Variants in IMMP2L observed in about 807,000 individuals in gnomAD.
IMMP2L encodes the protein inner mitochondrial membrane peptidase subunit 2, also known as mitochondrial inner membrane protease subunit 2.
IMMP2L carries 18 observed loss-of-function variants against 19.3 expected under a neutral mutation model. The ratio of observed to expected loss-of-function variants is 0.93; its 90% CI spans 0.64 to 1.38. The LOEUF is 1.38. Among genes scored for constraint, IMMP2L ranks in the 40% most tolerant of loss-of-function variants. The probability of loss-of-function intolerance (pLI) is 0.00; values close to 1 mark genes in which losing one functional copy is unlikely to be tolerated. For synonymous variants in IMMP2L, 76 were observed against 73.0 expected (o/e 1.04, Z -0.21); for missense variants, 233 against 218.2 (o/e 1.07, Z -0.43).
At chr7:111,171,751 T>C (rs980778792) in intron 3 of IMMP2L, among the ~76,000 whole-genome samples, 2 of 151,578 alleles carry the variant, frequency 1.3e-5, no homozygotes, top group African/African-American at 2.4e-5. Flanking sequence ...ATGTGAAGAA[T>C]GTTTCTTTTA....
rs145572903 is a variant in IMMP2L at position 111,348,792 on chromosome 7, C to T, written c.239+138446G>A. On this transcript the variant is annotated intron_variant, in intron 3 of 5. Coordinates refer to ENST00000405709, the MANE Select transcript of IMMP2L (RefSeq NM_032549.4). ...TCTCCTGGTACAAAATGAACCTGTG[C>T]CATTTACATATTAGCTGACTCTGAC... Among the ~76,000 whole-genome samples the T allele has an allele frequency of 1.6e-3, 248 of 152,096 alleles. 1 individual carries two copies. Among genetic ancestry groups the T allele is most frequent in the African/African-American group, 5.6e-3 (233 of 41,514 alleles).
intron 3 of IMMP2L, among the ~76,000 whole-genome samples, chr7:111,331,452 G>A (rs1196390736): frequency 6.6e-6 from 1 of 151,722 alleles, no homozygotes; most frequent in Non-Finnish European, 1.5e-5. Context: ...TAACCAAAGG[G>A]TATAAAATCT....
intron 3 of IMMP2L, among the ~76,000 whole-genome samples, chr7:111,354,402 C>T (rs1448070027): frequency 2.0e-5 from 3 of 151,270 alleles, no homozygotes; most frequent in Non-Finnish European, 3.0e-5. Flanking sequence ...AAACAGCAAC[C>T]GACAACGAAA....
chr7:111,278,399 A>G (rs1421453090), intron 3 of IMMP2L, among the ~76,000 whole-genome samples: 2 of 152,178 alleles, frequency 1.3e-5, no homozygotes, highest in African/African-American at 4.8e-5. Context: ...CAAACTCTTC[A>G]TCTCTTCTCC....
intron 3 of IMMP2L, among the ~76,000 whole-genome samples, chr7:111,484,766 G>C (rs1278871075): frequency 6.6e-6 from 1 of 152,126 alleles, no homozygotes; most frequent in Non-Finnish European, 1.5e-5. Flanking sequence ...ATATGGTCTA[G>C]AAAGCATGTT....
chr7:111,090,038 G>A (rs1796694384), intron 3 of IMMP2L, among the ~76,000 whole-genome samples: 1 of 151,860 alleles, frequency 6.6e-6, no homozygotes, highest in Non-Finnish European at 1.5e-5. Flanking sequence ...TGGGGTTGGA[G>A]TCATGACTAG....
chr7:110,989,820 C>T (rs575119076), intron 3 of IMMP2L, among the ~76,000 whole-genome samples: 100 of 151,690 alleles, frequency 6.6e-4, no homozygotes, highest in African/African-American at 2.2e-3. Context: ...TAGAAAAAAC[C>T]TTTTAAAAGA....
intron 3 of IMMP2L, among the ~76,000 whole-genome samples, chr7:111,036,131 A>G (rs1791324097): frequency 6.6e-6 from 1 of 152,216 alleles, no homozygotes; most frequent in Non-Finnish European, 1.5e-5. Context: ...ATGGCATTTT[A>G]GAACTAGTAA....
chr7:111,090,609 T>TAA (rs201456063), intron 3 of IMMP2L, among the ~76,000 whole-genome samples: 174 of 113,084 alleles, frequency 1.5e-3, no homozygotes, highest in African/African-American at 2.6e-3. Context: ...ATGTCATTGC[T>TAA]AAAAAAAAAA....
At chr7:110,949,347 A>G (rs1331103748) in intron 4 of IMMP2L, among the ~76,000 whole-genome samples, 2 of 152,070 alleles carry the variant, frequency 1.3e-5, no homozygotes, top group Non-Finnish European at 2.9e-5. Flanking sequence ...ACAACTCAAT[A>G]TTTTCTCTTT....
intron 3 of IMMP2L, among the ~76,000 whole-genome samples, chr7:111,057,229 C>G (rs970054038): frequency 2.6e-5 from 4 of 152,126 alleles, no homozygotes; most frequent in Non-Finnish European, 5.9e-5. Flanking sequence ...GGTGCATTCA[C>G]CCATAGTGCA....
intron 3 of IMMP2L, among the ~76,000 whole-genome samples, chr7:111,397,413 A>C (rs1195017645): frequency 1.3e-5 from 2 of 152,134 alleles, no homozygotes; most frequent in East Asian, 3.9e-4. Context: ...GCAGTAGCGA[A>C]CATCCCTTTA....
At chr7:111,502,578 A>T (rs377220152) in intron 2 of IMMP2L, among the ~76,000 whole-genome samples, 7 of 152,010 alleles carry the variant, frequency 4.6e-5, no homozygotes, top group Admixed American at 6.6e-5. Context: ...GAAGTAAAGC[A>T]CTCCTCAGCA....
chr7:111,494,886 T>C (rs556902939), intron 2 of IMMP2L, among the ~76,000 whole-genome samples: 6 of 151,906 alleles, frequency 3.9e-5, no homozygotes, highest in African/African-American at 1.4e-4. Context: ...CATTTCTCAT[T>C]TTACATAGTA....
At chr7:111,491,966 TG>T (rs1843146860) in intron 2 of IMMP2L, among the ~76,000 whole-genome samples, 1 of 151,828 alleles carries the variant, frequency 6.6e-6, no homozygotes, top group Non-Finnish European at 1.5e-5. Context: ...CTGTTCTCCT[TG>T]GTCTCTTTTA....
chr7:110,826,310 C>A (rs1190215775), intron 5 of IMMP2L, among the ~76,000 whole-genome samples: 1 of 152,100 alleles, frequency 6.6e-6, no homozygotes, highest in East Asian at 1.9e-4. Flanking sequence ...CTAGAAATAC[C>A]ATTTGACCCA....
intron 3 of IMMP2L, among the ~76,000 whole-genome samples, chr7:111,265,357 C>CT (rs1224220034): frequency 2.0e-5 from 3 of 152,170 alleles, no homozygotes; most frequent in Non-Finnish European, 4.4e-5. Flanking sequence ...ATCAAAATCT[C>CT]TACTTTGTGT....
chr7:110,798,084 G>A (rs772689778), intron 5 of IMMP2L, among the ~76,000 whole-genome samples: 18 of 151,694 alleles, frequency 1.2e-4, no homozygotes, highest in South Asian at 6.2e-4. Context: ...ATCTTACAGC[G>A]GTCATATAGT....
chr7:111,093,850 C>T (rs1436431849), intron 3 of IMMP2L, among the ~76,000 whole-genome samples: 1 of 152,056 alleles, frequency 6.6e-6, no homozygotes, highest in Non-Finnish European at 1.5e-5. Context: ...ACCTTCCTGG[C>T]AAGACAATTC....
Sources: allele counts gnomAD v4.1 joint callset (sites outside exome capture counted in the v4.1 genomes callset), GRCh38; gene constraint gnomAD v4.1.1; transcripts MANE v1.5; gene names NCBI Gene and HGNC (gene_info 2026-07-23, HGNC 2026-07-21).